The following BRF1 variants were observed in gnomAD, a reference collection of about 807,000 sequenced individuals.
The protein encoded by BRF1 is transcription factor IIIB 90 kDa subunit.
In BRF1, 59 loss-of-function variants were observed where a neutral mutation model predicts 81.7. That is an observed-to-expected ratio of 0.72 (90% CI 0.59 to 0.90). The LOEUF is 0.90. BRF1 is among the 40% of genes least tolerant of loss of function. The pLI is 0.00. For missense variants in BRF1, 1,050 were observed against 936.3 expected (o/e 1.12, Z -1.58); for synonymous variants, 491 against 395.6 (o/e 1.24, Z -2.86).
chr14:105,212,303 G>T, intron 15 of BRF1, 139 bp from the exon 16 acceptor site: 1 of 1,124,220 alleles, frequency 8.9e-7, no homozygotes, highest in Non-Finnish European at 1.3e-6. Flanking sequence ...TCTGCGTCCA[G>T]GTTCTGTGTG....
chr14:105,226,910 A>G, intron 7 of BRF1, 150 bp from the exon 8 acceptor site: 1 of 1,126,968 alleles, frequency 8.9e-7, no homozygotes. Flanking sequence ...AGACTTTGAG[A>G]CCAGCCTAGG....
chr14:105,265,054 GT>G (rs587673120), intron 3 of BRF1, among the ~76,000 whole-genome samples: 2 of 130,140 alleles, frequency 1.5e-5, no homozygotes, highest in Admixed American at 7.6e-5. Flanking sequence ...CCTTTTTTTT[GT>G]TTTTTTTTTG....
At chr14:105,216,547 C>T (rs1891342326) in intron 15 of BRF1, among the ~76,000 whole-genome samples, 2 of 152,186 alleles carry the variant, frequency 1.3e-5, no homozygotes, top group African/African-American at 2.4e-5. Flanking sequence ...ACCAGCCTGC[C>T]AGGAGGTCAG....
In BRF1 at chr14:105,217,628, T is replaced by G. The variant is rs768440342; in HGVS notation, c.1688A>C (p.His563Pro). Residue 563 changes from histidine (H) to proline (P), a missense_variant, in exon 15 of 18, where the codon CAT (histidine) becomes CCT (proline). By Grantham distance (77) the His-to-Pro change is moderately conservative. Coordinates refer to ENST00000547530, the MANE Select transcript of BRF1 (RefSeq NM_001519.4). Reference protein sequence around the residue: ...SPHREDAQPEHSASARKLSRR... With the variant: ...SPHREDAQPEPSASARKLSRR... ...TGACAGCTTCCTGGCACTGGCGCTA[T>G]GCTCGGGCTGTGCATCCTCCCTGTG... 1.9e-6 allele frequency: 3 copies of G among 1,613,368 alleles called. No homozygotes were observed. The Admixed American group carries it at 5.0e-5, about 27-fold the overall frequency.
intron 5 of BRF1, among the ~76,000 whole-genome samples, chr14:105,251,734 G>A (rs946816876): frequency 4.6e-5 from 7 of 152,002 alleles, no homozygotes; most frequent in African/African-American, 1.4e-4. Context: ...TAAGAAAGGG[G>A]CCTCTAAGCG....
rs2058277109 is a variant in BRF1, at chr14:105,309,196, T to C, written c.-162+6126A>G. On this transcript the variant is annotated intron_variant, in intron 1 of 17. Transcript: ENST00000327359. The surrounding 1 kb of genome is among the most constrained non-coding windows in gnomAD (Gnocchi z 4.0). The stretch of plus-strand genomic sequence containing the variant: ...GTCCTGGCTTATTGTGATGATATTC[T>C]ATTGTGGGAAAGAAAGAAGTGTTAA... Among the ~76,000 whole-genome samples the C allele has an allele frequency of 6.6e-6, 1 of 152,214 alleles. No homozygotes were observed. The highest frequency in any genetic ancestry group is 2.4e-5 in the African/African-American group (1 of 41,458).
chr14:105,251,797 C>A (rs587647738), intron 5 of BRF1, among the ~76,000 whole-genome samples: 1 of 152,094 alleles, frequency 6.6e-6, no homozygotes, highest in Admixed American at 6.6e-5. Flanking sequence ...TCAGAACCAT[C>A]GGGCAGTGAG....
chr14:105,256,401 A>G, intron 4 of BRF1, 117 bp downstream of exon 4: 1 of 1,610,400 alleles, frequency 6.2e-7, no homozygotes, highest in Non-Finnish European at 8.5e-7. Flanking sequence ...GGCAGGCAGC[A>G]CAGACCGGCC....
intron 2 of BRF1, among the ~76,000 whole-genome samples, chr14:105,279,190 CAG>C (rs1225446586): frequency 6.6e-6 from 1 of 151,810 alleles, no homozygotes; most frequent in Non-Finnish European, 1.5e-5. Flanking sequence ...GCCCGGACCA[CAG>C]AGTGAGTGAG....
At chr14:105,296,332 T>C (rs1001786170) in intron 1 of BRF1, among the ~76,000 whole-genome samples, 1 of 151,848 alleles carries the variant, frequency 6.6e-6, no homozygotes, top group African/African-American at 2.4e-5. Context: ...AGACCATCCA[T>C]GTAACCCCGC....
chr14:105,288,302 A>G (rs1356033295), intron 1 of BRF1, among the ~76,000 whole-genome samples: 2 of 151,688 alleles, frequency 1.3e-5, no homozygotes, highest in Non-Finnish European at 2.9e-5. Context: ...AAAATACAAA[A>G]TTAGCCAGGC....
chr14:105,295,303 CA>C (rs869251134), intron 1 of BRF1, among the ~76,000 whole-genome samples: 374 of 36,582 alleles, frequency 0.01, 2 homozygotes, highest in East Asian at 0.062. Context: ...CACATCTCTA[CA>C]AAAAAAAAAA....
Position 105,211,210 on chromosome 14 carries a change from G to T in BRF1, c.1908C>A (p.Tyr636Ter). Reference protein sequence around the residue: ...AVLVESGPVSYHADEEADEEE... With the variant: ...AVLVESGPVS ...CCTCGTCAGCCTCCTCGTCGGCGTG[G>T]TATGACACGGGCCCGCTCTCCACCA... The change falls in exon 17 of 18, where the codon TAC becomes TAA. Residue 636 changes from tyrosine (Y) to a stop codon, truncating the protein, a stop_gained. Coordinates refer to ENST00000547530, the MANE Select transcript of BRF1 (RefSeq NM_001519.4). LOFTEE classifies it high-confidence loss of function. The T allele has an allele frequency of 1.2e-6, 2 of 1,611,896 alleles. No individual in the cohort carries two copies. Among genetic ancestry groups the T allele is most frequent in the Non-Finnish European group, 8.5e-7 (1 of 1,179,902 alleles).
rs199648656 is a variant in BRF1, at chr14:105,220,023, G to A, written c.1377+46C>T. 5.4e-5 allele frequency: 86 copies of A among 1,601,992 alleles called. No homozygotes were observed. In the East Asian group the frequency reaches 1.7e-3, roughly 31 times the overall value. On this transcript the variant is annotated intron_variant, in intron 12 of 17. Transcript: ENST00000547530. ...CACTCAGGGCTCCTTGGGCTGCAGC[G>A]CCCTCCCAAGCCCAGCCCCTCTTGG...
At chr14:105,282,557 G>A (rs1037002400) in intron 2 of BRF1, among the ~76,000 whole-genome samples, 1 of 152,208 alleles carries the variant, frequency 6.6e-6, no homozygotes, top group African/African-American at 2.4e-5. Context: ...GCGGTATGGG[G>A]AGAACAAAGG....
intron 3 of BRF1, among the ~76,000 whole-genome samples, chr14:105,265,111 T>C (rs967102992): frequency 6.8e-6 from 1 of 147,870 alleles, no homozygotes; most frequent in Non-Finnish European, 1.5e-5. Flanking sequence ...TCGCCCAGGC[T>C]GGAATGCACT....
chr14:105,218,642 G>A (rs951026559), intron 14 of BRF1, among the ~76,000 whole-genome samples: 1 of 152,226 alleles, frequency 6.6e-6, no homozygotes, highest in African/African-American at 2.4e-5. Flanking sequence ...AGGCAGGGAG[G>A]CATGACAGTC....
At chr14:105,286,263 C>T (rs755518616) in intron 2 of BRF1, 33 bp downstream of exon 2, 66 of 1,595,570 alleles carry the variant, frequency 4.1e-5, no homozygotes, top group Non-Finnish European at 5.1e-5. Flanking sequence ...TGGGACCCGC[C>T]GCACGCTCAG....
chr14:105,289,314 C>T (rs1438600237), intron 1 of BRF1, among the ~76,000 whole-genome samples: 1 of 152,234 alleles, frequency 6.6e-6, no homozygotes, highest in East Asian at 1.9e-4. Context: ...TGCACTCCAG[C>T]CTGAGCAACA....
Sources: allele counts gnomAD v4.1 joint callset (sites outside exome capture counted in the v4.1 genomes callset), GRCh38; gene constraint gnomAD v4.1.1; non-coding constraint Gnocchi (gnomAD v3.1); transcripts MANE v1.5; gene names NCBI Gene and HGNC (gene_info 2026-07-23, HGNC 2026-07-21).